FOXP2: variants seen among roughly 807,000 people sequenced by gnomAD.
The protein encoded by FOXP2 is forkhead box protein P2.
In FOXP2, 12 loss-of-function variants were observed where a neutral mutation model predicts 115.8. That is an observed-to-expected ratio of 0.10 (90% CI 0.07 to 0.17). The LOEUF (loss-of-function observed/expected upper bound fraction) is 0.17. FOXP2 is among the 10% of genes least tolerant of loss of function. The pLI is 1.00. For synonymous variants in FOXP2, 328 were observed against 297.7 expected (o/e 1.10, Z -1.05); for missense variants, 629 against 843.5 (o/e 0.75, Z 3.15).
At chr7:114,644,604 A>T in intron 7 of FOXP2, 81 bp from the exon 8 acceptor site, 1 of 1,185,908 alleles carries the variant, frequency 8.4e-7, no homozygotes. Flanking sequence ...TTTGTCACTG[A>T]TCGTAACCTG....
chr7:114,549,224 A>G (rs1800083927), intron 3 of FOXP2, among the ~76,000 whole-genome samples: 1 of 152,180 alleles, frequency 6.6e-6, no homozygotes, highest in Non-Finnish European at 1.5e-5. Context: ...CATAAACCCC[A>G]GAATTGATTG....
chr7:114,128,734 C>T (rs902734021), intron 1 of FOXP2, among the ~76,000 whole-genome samples: 4 of 151,936 alleles, frequency 2.6e-5, no homozygotes, highest in Admixed American at 1.3e-4. Flanking sequence ...TCAAGGACAA[C>T]GACTATGTAA....
intron 2 of FOXP2, among the ~76,000 whole-genome samples, chr7:114,521,515 A>T (rs892985613): frequency 1.4e-5 from 2 of 141,640 alleles, no homozygotes; most frequent in Non-Finnish European, 3.0e-5. Flanking sequence ...CCTGGGCAAA[A>T]CAGCAGGACA....
chr7:114,283,985 A>G (rs760416659), intron 1 of FOXP2, among the ~76,000 whole-genome samples: 1 of 152,068 alleles, frequency 6.6e-6, no homozygotes, highest in Non-Finnish European at 1.5e-5. Context: ...AAACAAAACA[A>G]AACACATAAA....
At chr7:114,687,151 G>A (rs113615110) in intron 16 of FOXP2, among the ~76,000 whole-genome samples, 164 of 152,202 alleles carry the variant, frequency 1.1e-3, no homozygotes, top group African/African-American at 3.6e-3. Flanking sequence ...TTGATTAAGC[G>A]TTATTTCCAT....
chr7:114,247,854 C>T (rs1288517333), intron 1 of FOXP2, among the ~76,000 whole-genome samples: 3 of 151,890 alleles, frequency 2.0e-5, no homozygotes, highest in Non-Finnish European at 2.9e-5. Flanking sequence ...GTATATTAGT[C>T]GGGGTTCTCC....
At chr7:114,126,050 G>A (rs1216267256) in intron 1 of FOXP2, among the ~76,000 whole-genome samples, 6 of 152,038 alleles carry the variant, frequency 3.9e-5, no homozygotes, top group African/African-American at 7.2e-5. Flanking sequence ...TTGAAGATGA[G>A]GACATAGTAA....
intron 2 of FOXP2, among the ~76,000 whole-genome samples, chr7:114,471,981 A>C (rs1396309749): frequency 6.6e-6 from 1 of 151,952 alleles, no homozygotes; most frequent in Non-Finnish European, 1.5e-5. Flanking sequence ...AAAAAAAAGA[A>C]AGACTTATTT....
chr7:114,408,572 C>G (rs2129198160), intron 2 of FOXP2, among the ~76,000 whole-genome samples: 1 of 151,940 alleles, frequency 6.6e-6, no homozygotes, highest in South Asian at 2.1e-4. Context: ...ACGAAAAATA[C>G]AAAAATTAGC....
In FOXP2 at chr7:114,249,719, T is replaced by A. The variant is rs147597461; in HGVS notation, c.-101-38300T>A. Among the ~76,000 whole-genome samples the A allele has an allele frequency of 5.4e-3, 819 of 152,202 alleles. 9 individuals are homozygous for A. Among genetic ancestry groups the A allele is most frequent in the African/African-American group, 0.019 (786 of 41,552 alleles). On this transcript the variant is annotated intron_variant, in intron 1 of 17. Transcript: ENST00000634411. ...TAATAGAATGATTTATATTCCTTTG[T>A]GTATATACCCAGTAATGAGATTGCT...
intron 1 of FOXP2, among the ~76,000 whole-genome samples, chr7:114,253,521 G>A (rs1795512824): frequency 6.6e-6 from 1 of 152,232 alleles, no homozygotes; most frequent in South Asian, 2.1e-4. Context: ...TCTTCTTGTT[G>A]AATTGATCCC....
At chr7:114,656,714 TTAGA>T in intron 10 of FOXP2, 1 of 221,192 alleles carries the variant, frequency 4.5e-6, no homozygotes, top group East Asian at 1.3e-4. Context: ...GTCGTTATTA[TTAGA>T]CTGCTAATGT....
rs545646763 is a variant in FOXP2, at chr7:114,102,594, T to TAA, written c.-247+14767_-247+14768dup. Among the ~76,000 whole-genome samples, 10 of 141,254 alleles carry TAA rather than the reference T, an allele frequency of 7.1e-5. No individual in the cohort carries two copies. The East Asian group carries it at 2.0e-3, about 29-fold the overall frequency. 92.7% of individuals were successfully genotyped at this position (141,254 alleles called of 152,430 possible). On this transcript the variant is annotated intron_variant, in intron 1 of 19. Coordinates refer to the FOXP2 transcript ENST00000635638. Reference sequence around the variant, plus strand: ...ATTTTTATTCAACCATTTAAACATGTAAAAAAAAAAAACCCATTCTTACCT... The same window carrying TAA: ...ATTTTTATTCAACCATTTAAACATGTAAAAAAAAAAAAAACCCATTCTTACCT...
chr7:114,407,617 T>C (rs2129197967), intron 2 of FOXP2, among the ~76,000 whole-genome samples: 1 of 152,252 alleles, frequency 6.6e-6, no homozygotes, highest in East Asian at 1.9e-4. Context: ...GTTAATACTT[T>C]TCCTTCAGCA....
intron 2 of FOXP2, among the ~76,000 whole-genome samples, chr7:114,352,402 G>A (rs1562883128): frequency 6.6e-6 from 1 of 152,186 alleles, no homozygotes; most frequent in Non-Finnish European, 1.5e-5. Context: ...AATCTACCCA[G>A]TGATTAATCC....
At chr7:114,282,737 T>C (rs1375063845) in intron 1 of FOXP2, among the ~76,000 whole-genome samples, 5 of 152,124 alleles carry the variant, frequency 3.3e-5, no homozygotes. Context: ...GGATGGTAAT[T>C]ATAATGGGCA....
chr7:114,221,556 C>T (rs1017749971), intron 1 of FOXP2, among the ~76,000 whole-genome samples: 1 of 152,050 alleles, frequency 6.6e-6, no homozygotes, highest in Non-Finnish European at 1.5e-5. Context: ...TCTGTTTATC[C>T]ATTACCCCCC....
chr7:114,420,561 T>C (rs1214192988), intron 1 of FOXP2, among the ~76,000 whole-genome samples: 2 of 151,966 alleles, frequency 1.3e-5, no homozygotes, highest in South Asian at 2.1e-4. Flanking sequence ...TATTTTTGTA[T>C]TGGCAACTAG....
chr7:114,677,348 A>G (rs1807834253), intron 16 of FOXP2, among the ~76,000 whole-genome samples: 1 of 152,202 alleles, frequency 6.6e-6, no homozygotes, highest in South Asian at 2.1e-4. Flanking sequence ...GCTAGTATCT[A>G]AATAAGCAAA....
Sources: gnomAD v4.1 joint callset for allele counts (sites outside exome capture counted in the v4.1 genomes callset) on GRCh38, gnomAD v4.1.1 for gene constraint, MANE v1.5 for transcripts, NCBI Gene and HGNC (gene_info 2026-07-23, HGNC 2026-07-21) for gene names.